Variants in KPNA7 observed in about 807,000 individuals in gnomAD.
KPNA7 encodes the protein karyopherin subunit alpha 7.
KPNA7 carries 54 observed loss-of-function variants against 53.7 expected under a neutral mutation model. The observed-to-expected ratio is 1.01, with a 90% CI of 0.81 to 1.26. The LOEUF is 1.26. KPNA7 is among the 50% of genes most tolerant of loss of function. KPNA7 has a pLI of 0.00. For synonymous variants in KPNA7, 276 were observed against 259.3 expected (o/e 1.06, Z -0.62); for missense variants, 640 against 644.5 (o/e 0.99, Z 0.07).
At chr7:99,202,957 G>T in intron 3 of KPNA7, 149 bp downstream of exon 3, 1 of 910,878 alleles carries the variant, frequency 1.1e-6, no homozygotes, top group South Asian at 2.1e-5. Flanking sequence ...GACAAAGGCA[G>T]TTTAGCTCAA....
At chr7:99,200,228 C>T (rs940798532) in intron 3 of KPNA7, among the ~76,000 whole-genome samples, 4 of 151,814 alleles carry the variant, frequency 2.6e-5, no homozygotes, top group Non-Finnish European at 5.9e-5. Flanking sequence ...CGTAGAGACG[C>T]GGTTTCACCA....
At chr7:99,160,874 CT>C in the KPNA7 span, among the ~76,000 whole-genome samples, 28 of 147,870 alleles carry the variant, frequency 1.9e-4, no homozygotes, top group Admixed American at 2.0e-4. Flanking sequence ...TGTATGCCAC[CT>C]TTTTTTTTTG....
At chr7:99,191,704 C>T (rs938361203) in intron 6 of KPNA7, among the ~76,000 whole-genome samples, 3 of 152,066 alleles carry the variant, frequency 2.0e-5, no homozygotes, top group Admixed American at 6.6e-5. Flanking sequence ...GGCTGGGGCA[C>T]AGTGGCGCAA....
the KPNA7 span, among the ~76,000 whole-genome samples, chr7:99,151,158 C>T: frequency 6.6e-6 from 1 of 152,116 alleles, no homozygotes; most frequent in African/African-American, 2.4e-5. Context: ...GAGAGATCTC[C>T]AATCCAGGTT....
chr7:99,159,657 A>C, the KPNA7 span, among the ~76,000 whole-genome samples: 9 of 152,248 alleles, frequency 5.9e-5, no homozygotes, highest in South Asian at 1.0e-3. Flanking sequence ...GATCATTCCG[A>C]TTTCTCTAAA....
chr7:99,181,151 G>A (rs1427055213), intron 9 of KPNA7, among the ~76,000 whole-genome samples: 2 of 21,650 alleles, frequency 9.2e-5, no homozygotes, highest in African/African-American at 2.1e-4. Flanking sequence ...CTCTCTCTCC[G>A]TCTGTGTCTC....
At chr7:99,182,092 C>T in intron 8 of KPNA7, 27 bp from the exon 9 acceptor site, 1 of 1,487,674 alleles carries the variant, frequency 6.7e-7, no homozygotes, top group African/African-American at 1.4e-5. Flanking sequence ...TTTCCATTCT[C>T]TACAGATCCT....
the KPNA7 span, among the ~76,000 whole-genome samples, chr7:99,146,471 T>A: frequency 6.6e-6 from 1 of 152,034 alleles, no homozygotes; most frequent in African/African-American, 2.4e-5. Flanking sequence ...CCCAGCACTT[T>A]AGGAGGCTGA....
chr7:99,163,383 ATTTTTTTT>A, the KPNA7 span, among the ~76,000 whole-genome samples: 228 of 40,776 alleles, frequency 5.6e-3, 2 homozygotes, highest in African/African-American at 0.019. Flanking sequence ...ATATATATAT[ATTTTTTTT>A]TTTTTTTTTT....
intron 6 of KPNA7, among the ~76,000 whole-genome samples, chr7:99,192,472 G>C (rs529031497): frequency 2.6e-5 from 4 of 152,202 alleles, no homozygotes; most frequent in Non-Finnish European, 4.4e-5. Flanking sequence ...GAGTGCAGTG[G>C]TGTGATCTTG....
chr7:99,165,495 A>G, the KPNA7 span, among the ~76,000 whole-genome samples: 2 of 150,538 alleles, frequency 1.3e-5, no homozygotes, highest in Admixed American at 1.3e-4. Context: ...ATCACTGCAG[A>G]AGGAGATGAA....
chr7:99,167,083 C>A, the KPNA7 span, among the ~76,000 whole-genome samples: 13 of 152,324 alleles, frequency 8.5e-5, no homozygotes, highest in East Asian at 2.5e-3. Context: ...TTACAAGGCT[C>A]CCTGATATGA....
intron 6 of KPNA7, 149 bp downstream of exon 6, chr7:99,192,870 C>A: frequency 1.9e-6 from 1 of 540,508 alleles, no homozygotes; most frequent in Non-Finnish European, 3.1e-6. Flanking sequence ...GGCTCACGTC[C>A]ATAATCCCAG....
At chr7:99,167,425 C>G in the KPNA7 span, among the ~76,000 whole-genome samples, 1 of 151,954 alleles carries the variant, frequency 6.6e-6, no homozygotes, top group Non-Finnish European at 1.5e-5. Flanking sequence ...GAGAGAGAAC[C>G]CTATTGTGAA....
chr7:99,173,440 ACCT>A, downstream of KPNA7: 2 of 246,454 alleles, frequency 8.1e-6, no homozygotes, highest in South Asian at 6.9e-5. Context: ...TGATCCACCC[ACCT>A]TGGCCTCCCA....
the KPNA7 span, among the ~76,000 whole-genome samples, chr7:99,148,961 T>A: frequency 6.9e-6 from 1 of 145,672 alleles, no homozygotes; most frequent in East Asian, 2.2e-4. Context: ...AACGGCACCG[T>A]CTCGGCTCAC....
the KPNA7 span, among the ~76,000 whole-genome samples, chr7:99,147,900 C>A: frequency 6.6e-6 from 1 of 151,752 alleles, no homozygotes; most frequent in Non-Finnish European, 1.5e-5. Context: ...GTCTGTAGTC[C>A]CAGCTACTCA....
chr7:99,184,496 T>TAAAG (rs1789471485), intron 8 of KPNA7, among the ~76,000 whole-genome samples: 2 of 152,180 alleles, frequency 1.3e-5, no homozygotes, highest in African/African-American at 2.4e-5. Context: ...AGATTTGAAT[T>TAAAG]TTGTTGACAT....
At chr7:99,215,670 G>A (rs1040748821) in intron 1 of KPNA7, among the ~76,000 whole-genome samples, 3 of 152,026 alleles carry the variant, frequency 2.0e-5, no homozygotes, top group Admixed American at 6.6e-5. Context: ...AGGAGAGCTG[G>A]GTGCCCTGTC....
Sources: gnomAD v4.1 joint callset for allele counts (sites outside exome capture counted in the v4.1 genomes callset) on GRCh38, gnomAD v4.1.1 for gene constraint, MANE v1.5 for transcripts, NCBI Gene and HGNC (gene_info 2026-07-23, HGNC 2026-07-21) for gene names.